Variants in TYW1 observed in about 807,000 individuals in gnomAD.
TYW1 encodes the protein tRNA-yW synthesizing protein 1 homolog, also known as S-adenosyl-L-methionine-dependent tRNA 4-demethylwyosine synthase TYW1.
Under a neutral mutation model 96.2 loss-of-function variants are expected in TYW1, and 46 were observed. The ratio of observed to expected loss-of-function variants is 0.48; its 90% CI spans 0.38 to 0.61. The LOEUF (loss-of-function observed/expected upper bound fraction) is 0.61, where lower values mean the gene tolerates loss of function less well. Among genes scored for constraint, TYW1 ranks in the 20% least tolerant of loss-of-function variants. TYW1 has a pLI of 0.00. For synonymous variants in TYW1, 274 were observed against 323.0 expected (o/e 0.85, Z 1.63); for missense variants, 684 against 909.6 (o/e 0.75, Z 3.19).
At chr7:67,162,506 T>G (rs1799192702) in intron 13 of TYW1, among the ~76,000 whole-genome samples, 1 of 152,152 alleles carries the variant, frequency 6.6e-6, no homozygotes, top group African/African-American at 2.4e-5. Context: ...ATGTATAGTT[T>G]GGGGCTGCCC....
intron 6 of TYW1, among the ~76,000 whole-genome samples, chr7:67,021,317 T>G (rs1794260928): frequency 6.6e-6 from 1 of 152,282 alleles, no homozygotes; most frequent in Non-Finnish European, 1.5e-5. Context: ...GCCCACATCT[T>G]TCTCTGCTAC....
chr7:67,050,690 A>G (rs1795325831), intron 8 of TYW1, among the ~76,000 whole-genome samples: 1 of 152,188 alleles, frequency 6.6e-6, no homozygotes, highest in Non-Finnish European at 1.5e-5. Flanking sequence ...CTATATTTTA[A>G]TTAGGGTAGA....
chr7:67,152,937 A>C (rs1798850240), intron 13 of TYW1, among the ~76,000 whole-genome samples: 1 of 152,080 alleles, frequency 6.6e-6, no homozygotes, highest in South Asian at 2.1e-4. Flanking sequence ...TTGGAATCTA[A>C]AGGAACACAA....
chr7:67,014,828 A>C (rs1793960389), intron 5 of TYW1, among the ~76,000 whole-genome samples: 1 of 152,122 alleles, frequency 6.6e-6, no homozygotes, highest in Admixed American at 6.5e-5. Context: ...TCCCGGGTTC[A>C]AGTGATTTCT....
intron 3 of TYW1, among the ~76,000 whole-genome samples, chr7:67,002,801 C>G (rs553331581): frequency 1.3e-5 from 2 of 150,444 alleles, no homozygotes; most frequent in South Asian, 4.2e-4. Context: ...TCTTCTGTGT[C>G]TCAGATCTTT....
chr7:67,129,613 A>C lies in TYW1; in HGVS notation c.1698+11995A>C, dbSNP rs186830372. 3.1e-3 allele frequency among the ~76,000 whole-genome samples: 470 copies of C among 152,258 alleles called. 1 individual carries two copies. The highest frequency in any genetic ancestry group is 0.011 in the African/African-American group (437 of 41,548). ...ATCTAAGAACAGTTGTTGATTTTTC[A>C]ATTTGTTCAGCTTTTTACTTGTTAA... On this transcript the variant is annotated intron_variant, in intron 13 of 15. Coordinates refer to ENST00000359626, the MANE Select transcript of TYW1 (RefSeq NM_018264.4).
chr7:67,085,134 T>G (rs1422927359), intron 11 of TYW1, among the ~76,000 whole-genome samples: 1 of 152,224 alleles, frequency 6.6e-6, no homozygotes, highest in Non-Finnish European at 1.5e-5. Flanking sequence ...ATTCTGAAGA[T>G]CAGATGATTC....
intron 7 of TYW1, 112 bp from the exon 8 acceptor site, chr7:67,049,837 G>A (rs1423333189): frequency 7.2e-5 from 97 of 1,342,616 alleles, no homozygotes; most frequent in Non-Finnish European, 9.3e-5. Flanking sequence ...GTGAGCCACC[G>A]TGCCCGGCCT....
rs1382913777 is a variant in TYW1, at chr7:67,163,378, T to G, written c.1699-19748T>G. 2.0e-5 allele frequency among the ~76,000 whole-genome samples: 3 copies of G among 152,192 alleles called. No individual in the cohort carries two copies. In the East Asian group the frequency reaches 5.8e-4, roughly 29 times the overall value. On this transcript the variant is annotated intron_variant, in intron 13 of 15. Coordinates refer to ENST00000359626, the MANE Select transcript of TYW1 (RefSeq NM_018264.4). ...GCCAGTGCTCCGAGCCTCTTCTGTG[T>G]GCATCTTGCACCTCTCAGCTTTCTT...
intron 10 of TYW1, among the ~76,000 whole-genome samples, chr7:67,075,804 C>T (rs573836937): frequency 6.6e-6 from 1 of 152,284 alleles, no homozygotes; most frequent in African/African-American, 2.4e-5. Context: ...GGATTTTGGT[C>T]ATGGATGCAT....
chr7:67,217,846 C>CTTTTTTT (rs57748332), intron 15 of TYW1, among the ~76,000 whole-genome samples: 7 of 69,260 alleles, frequency 1.0e-4, no homozygotes, highest in Admixed American at 3.6e-4. Flanking sequence ...GTGTTGATGT[C>CTTTTTTT]TTTTTTTTTT....
chr7:67,014,686 C>T, intron 5 of TYW1, 125 bp downstream of exon 5: 1 of 1,173,904 alleles, frequency 8.5e-7, no homozygotes, highest in Admixed American at 2.8e-5. Context: ...TGAAATAATC[C>T]ACAAACTTTG....
At chr7:67,197,635 T>C (rs1313722886) in intron 15 of TYW1, among the ~76,000 whole-genome samples, 1 of 152,178 alleles carries the variant, frequency 6.6e-6, no homozygotes, top group Non-Finnish European at 1.5e-5. Flanking sequence ...CTGAGCTCTG[T>C]CTTATGGAAG....
chr7:67,233,615 A>C, intron 15 of TYW1, among the ~76,000 whole-genome samples: 1 of 136,016 alleles, frequency 7.4e-6, no homozygotes, highest in Non-Finnish European at 1.6e-5. Flanking sequence ...TTCTTTTAGC[A>C]GGGTGACCTC....
At chr7:66,998,036 T>C (rs765422418) in intron 1 of TYW1, 29 bp from the exon 2 acceptor site, 8 of 1,561,820 alleles carry the variant, frequency 5.1e-6, no homozygotes, top group South Asian at 1.2e-5. Flanking sequence ...TAGCTTTAAA[T>C]GAAATTGTGT....
intron 15 of TYW1, among the ~76,000 whole-genome samples, chr7:67,217,730 G>C (rs1244707763): frequency 2.0e-5 from 3 of 151,802 alleles, no homozygotes; most frequent in Admixed American, 1.3e-4. Flanking sequence ...GCTATTAAGG[G>C]TCCCATGAGA....
chr7:67,077,884 C>A (rs976795791), intron 10 of TYW1, among the ~76,000 whole-genome samples: 1 of 152,100 alleles, frequency 6.6e-6, no homozygotes, highest in Non-Finnish European at 1.5e-5. Context: ...TCAGGTCTTA[C>A]GTTTATGTCG....
chr7:67,149,722 ATATCTATCTATCTATCTATC>A (rs59266321), intron 13 of TYW1, among the ~76,000 whole-genome samples: 15 of 140,120 alleles, frequency 1.1e-4, no homozygotes, highest in Admixed American at 2.9e-4. Context: ...AGGAAAAAAA[ATATCTATCTATCTATCTATC>A]TATCTATCTA....
chr7:67,012,506 T>TA (rs1793849808), intron 4 of TYW1, among the ~76,000 whole-genome samples: 1 of 152,210 alleles, frequency 6.6e-6, no homozygotes, highest in Non-Finnish European at 1.5e-5. Flanking sequence ...GAATGTGCTC[T>TA]AAATTATTTG....
Sources: gnomAD v4.1 joint callset for allele counts (sites outside exome capture counted in the v4.1 genomes callset) on GRCh38, gnomAD v4.1.1 for gene constraint, MANE v1.5 for transcripts, NCBI Gene and HGNC (gene_info 2026-07-23, HGNC 2026-07-21) for gene names.